Variants in WDPCP observed in about 807,000 individuals in gnomAD.
WDPCP encodes WD repeat-containing and planar cell polarity effector protein fritz homolog.
WDPCP carries 71 observed loss-of-function variants against 93.1 expected under a neutral mutation model. That is an observed-to-expected ratio of 0.76 (90% CI 0.63 to 0.93). WDPCP has a LOEUF of 0.93. WDPCP is among the 40% of genes least tolerant of loss of function. The pLI is 0.00. For synonymous variants in WDPCP, 315 were observed against 315.0 expected, an observed-to-expected ratio of 1.00 and a Z score of 0.00; for missense variants, 844 against 887.4, an observed-to-expected ratio of 0.95 and a Z score of 0.62.
intron 13 of WDPCP, among the ~76,000 whole-genome samples, chr2:63,261,074 G>C (rs944693609): frequency 8.5e-5 from 13 of 152,100 alleles, no homozygotes; most frequent in Admixed American, 7.2e-4. Context: ...GTGCTTATAC[G>C]TGAAACATAC....
chr2:63,120,010 C>T lies in WDPCP; in HGVS notation c.*1996G>A, dbSNP rs1406373164. On this transcript the variant is annotated 3_prime_UTR_variant, in exon 18 of 18. Transcript: ENST00000272321. Reference sequence around the variant, plus strand: ...AGAACTATGATTTGTTTAATTTTCACCTACATAACTGGCAAACATTTTCAT... The same window carrying T: ...AGAACTATGATTTGTTTAATTTTCATCTACATAACTGGCAAACATTTTCAT... Among the ~76,000 whole-genome samples the T allele has an allele frequency of 6.6e-6, 1 of 152,058 alleles. No homozygotes were observed. Among genetic ancestry groups the T allele is most frequent in the Non-Finnish European group, 1.5e-5 (1 of 68,008 alleles).
Position 63,244,110 on chromosome 2 carries a change from A to G in WDPCP, c.1915+15197T>C, listed in dbSNP as rs1168941051. 3.3e-5 allele frequency among the ~76,000 whole-genome samples: 5 copies of G among 152,194 alleles called. No homozygotes were observed. The East Asian group carries it at 7.7e-4, about 23-fold the overall frequency. On this transcript the variant is annotated intron_variant, in intron 14 of 17. Transcript: ENST00000272321. ...AAAACCACACAATTACATGGAAATTAAACAACTTACTCTTGAATTATTTTG... is the reference window on the plus strand; with the variant it reads ...AAAACCACACAATTACATGGAAATTGAACAACTTACTCTTGAATTATTTTG...
chr2:63,224,081 C>A lies in WDPCP; in HGVS notation c.1915+35226G>T, dbSNP rs536581686. Among the ~76,000 whole-genome samples, 58 of 152,006 alleles carry A rather than the reference C, an allele frequency of 3.8e-4. 2 individuals carry two copies. The South Asian group carries it at 0.01, about 27-fold the overall frequency. On this transcript the variant is annotated intron_variant, in intron 14 of 17. Coordinates refer to ENST00000272321, the MANE Select transcript of WDPCP (RefSeq NM_015910.7). ...TTTACACCAAAAATACTGTTATAGG[C>A]CTAAAGAGACACCTTACCAAAGAAG...
intron 14 of WDPCP, among the ~76,000 whole-genome samples, chr2:63,252,646 A>G (rs1680827661): frequency 6.6e-6 from 1 of 152,200 alleles, no homozygotes; most frequent in Admixed American, 6.5e-5. Flanking sequence ...GCTGAGAGCC[A>G]AGTCAAGAAC....
intron 15 of WDPCP, among the ~76,000 whole-genome samples, chr2:63,174,239 C>T (rs1267409827): frequency 6.6e-6 from 1 of 151,902 alleles, no homozygotes; most frequent in Non-Finnish European, 1.5e-5. Context: ...TCAATAACCC[C>T]ATGTAGCAAA....
rs752595533 is a variant in WDPCP, at chr2:63,573,960, G to A, written c.75+14237C>T. Among the ~76,000 whole-genome samples the A allele has an allele frequency of 4.6e-5, 7 of 152,102 alleles. No individual in the cohort carries two copies. The South Asian group carries it at 6.2e-4, about 14-fold the overall frequency. ...GTAGCACTCCCAGGCTTATTAGGAC[G>A]AGGAAATTCCTGCCTAATAAATTTT... On this transcript the variant is annotated intron_variant, in intron 1 of 17. Coordinates refer to ENST00000272321, the MANE Select transcript of WDPCP (RefSeq NM_015910.7).
At chr2:63,761,261 C>T (rs1670051102) in intron 2 of WDPCP, among the ~76,000 whole-genome samples, 1 of 152,138 alleles carries the variant, frequency 6.6e-6, no homozygotes, top group South Asian at 2.1e-4. Context: ...CTCTCTTGCC[C>T]TTCTGCCTCC....
intron 13 of WDPCP, among the ~76,000 whole-genome samples, chr2:63,267,530 G>A (rs915571546): frequency 1.3e-5 from 2 of 151,790 alleles, no homozygotes; most frequent in African/African-American, 4.8e-5. Context: ...AAAGAAGGAA[G>A]TAACAGTGAA....
rs1351233926 is a variant in WDPCP, at chr2:63,588,450, A to G, written c.-179T>C. Reference sequence around the variant, plus strand: ...TCCCGCCTCGTCGCTTAGCAACCTGAGAAGCTGTCCGGTCGTCCCAACTTA... The same window carrying G: ...TCCCGCCTCGTCGCTTAGCAACCTGGGAAGCTGTCCGGTCGTCCCAACTTA... On this transcript the variant is annotated 5_prime_UTR_variant, in exon 1 of 18. Transcript: ENST00000272321. The G allele has an allele frequency of 1.1e-5, 8 of 720,874 alleles. No homozygotes were observed. Among genetic ancestry groups the G allele is most frequent in the Non-Finnish European group, 2.0e-5 (8 of 399,120 alleles). The allele number at this position is 720,874 out of a possible 1,614,324, so 44.7% of individuals were successfully genotyped here. A position where few individuals can be genotyped will look rare whatever the true frequency, so the allele number is the denominator to read the frequency against.
intron 6 of WDPCP, among the ~76,000 whole-genome samples, chr2:63,476,315 A>G (rs1390241262): frequency 6.6e-6 from 1 of 152,130 alleles, no homozygotes; most frequent in Non-Finnish European, 1.5e-5. Flanking sequence ...TTCATTCTTC[A>G]ACATGAACCA....
intron 12 of WDPCP, among the ~76,000 whole-genome samples, chr2:63,338,327 T>C (rs1318386094): frequency 6.6e-6 from 1 of 151,680 alleles, no homozygotes; most frequent in African/African-American, 2.4e-5. Flanking sequence ...GTGGATCACC[T>C]GAGGTCATGA....
intron 2 of WDPCP, among the ~76,000 whole-genome samples, chr2:63,787,724 T>C (rs941067080): frequency 2.6e-5 from 4 of 152,144 alleles, no homozygotes; most frequent in Admixed American, 2.6e-4. Context: ...GGAACCAAAA[T>C]ACTACATTAA....
intron 12 of WDPCP, among the ~76,000 whole-genome samples, chr2:63,361,104 G>A (rs987236341): frequency 1.3e-5 from 2 of 152,152 alleles, no homozygotes; most frequent in Admixed American, 1.3e-4. Flanking sequence ...AAAGGAGAAG[G>A]ACCAGGTCAG....
In WDPCP at chr2:63,678,229, T is replaced by G. The variant is rs771865683; in HGVS notation, n.309-27391A>C. Among the ~76,000 whole-genome samples the G allele has an allele frequency of 3.3e-5, 5 of 152,316 alleles. No homozygotes were observed. In the South Asian group the frequency reaches 1.0e-3, roughly 32 times the overall value. ...CAGTATTATGGTCAACAGATGGCTG[T>G]ACATCCAGGCATCACAGTCTCATCC... is the stretch of plus-strand genomic sequence containing the variant. On this transcript the variant is annotated intron_variant and non_coding_transcript_variant, in intron 2 of 4. Coordinates refer to the WDPCP transcript ENST00000467687.
At chr2:63,747,923 G>T (rs1011203858) in intron 2 of WDPCP, among the ~76,000 whole-genome samples, 1 of 151,780 alleles carries the variant, frequency 6.6e-6, no homozygotes, top group Non-Finnish European at 1.5e-5. Flanking sequence ...TAAAAGTTTT[G>T]TATATTCTGT....
chr2:63,170,516 G>T (rs550071720), intron 15 of WDPCP, among the ~76,000 whole-genome samples: 26 of 151,964 alleles, frequency 1.7e-4, no homozygotes, highest in African/African-American at 5.8e-4. Flanking sequence ...CAGGTGATCC[G>T]CCTCAGCCTC....
At chr2:63,339,920 CA>C (rs1688714288) in intron 12 of WDPCP, among the ~76,000 whole-genome samples, 1 of 151,976 alleles carries the variant, frequency 6.6e-6, no homozygotes. Context: ...TGAATTTTAT[CA>C]AATGCTTTTT....
chr2:63,554,829 C>T (rs1186406780), intron 1 of WDPCP, among the ~76,000 whole-genome samples: 1 of 152,064 alleles, frequency 6.6e-6, no homozygotes, highest in African/African-American at 2.4e-5. Flanking sequence ...CTGGTGAGAC[C>T]CATGGAGACT....
At chr2:63,344,978 A>G (rs1689095212) in intron 12 of WDPCP, among the ~76,000 whole-genome samples, 1 of 152,150 alleles carries the variant, frequency 6.6e-6, no homozygotes, top group African/African-American at 2.4e-5. Context: ...TTAAGCACTC[A>G]CCTGATTGCT....
Sources: allele counts gnomAD v4.1 joint callset (sites outside exome capture counted in the v4.1 genomes callset), GRCh38; gene constraint gnomAD v4.1.1; transcripts MANE v1.5; gene names NCBI Gene and HGNC (gene_info 2026-07-23, HGNC 2026-07-21).